TRIM10: variants seen among roughly 807,000 people sequenced by gnomAD.
The protein encoded by TRIM10 is tripartite motif containing 10.
TRIM10 carries 42 observed loss-of-function variants against 40.0 expected under a neutral mutation model. The ratio of observed to expected loss-of-function variants is 1.05; its 90% confidence interval spans 0.82 to 1.36. The LOEUF (loss-of-function observed/expected upper bound fraction) is 1.36. Ranked by LOEUF, TRIM10 falls within the 40% of genes most tolerant of loss-of-function variation. The pLI is 0.00. For missense variants in TRIM10, 601 were observed against 608.3 expected, an observed-to-expected ratio of 0.99 and a Z score of 0.13; for synonymous variants, 260 against 239.5, an observed-to-expected ratio of 1.09 and a Z score of -0.79.
intron 2 of TRIM10, 45 bp from the exon 3 acceptor site, chr6:30,158,674 T>G: frequency 6.7e-7 from 1 of 1,499,988 alleles, no homozygotes; most frequent in Admixed American, 1.7e-5. Flanking sequence ...TGCTTCCTCC[T>G]TCTCCCTCTG....
rs1022878394 is a variant in TRIM10, at chr6:30,160,618, TCTC to T, written c.238_240del (p.Glu80del). The T allele has an allele frequency of 1.2e-6, 2 of 1,613,980 alleles. No homozygotes were observed. The highest frequency in any genetic ancestry group is 2.7e-5 in the African/African-American group (2 of 74,880). On this transcript the variant is annotated inframe_deletion, in exon 1 of 7. Transcript: ENST00000449742. ...GACACCAGCTGGAGGCGCTCAATGT[TCTC>T]CACCACGTTAGCCAGCTGCCAGTTG... is the stretch of plus-strand genomic sequence containing the variant.
chr6:30,158,329 C>T, intron 3 of TRIM10, 70 bp downstream of exon 3: 1 of 1,355,242 alleles, frequency 7.4e-7, no homozygotes, highest in Non-Finnish European at 1.1e-6. Flanking sequence ...GGAGACATGG[C>T]TTAGGCAAGA....
At chr6:30,156,718 GT>G (rs1174414611) in intron 5 of TRIM10, 12 of 652,032 alleles carry the variant, frequency 1.8e-5, no homozygotes, top group Non-Finnish European at 2.8e-5. Context: ...TTTAAAATCA[GT>G]TTAACTTTTT....
At position 30,160,608 on chromosome 6, in the gene TRIM10, C is replaced by T. The variant is rs370559232; in HGVS notation, c.251G>A (p.Arg84His). 27 of 1,614,114 alleles carry T rather than the reference C, an allele frequency of 1.7e-5. No homozygotes were observed. Among genetic ancestry groups the T allele is most frequent in the African/African-American group, 1.3e-4 (10 of 74,940 alleles). Residue 84 changes from arginine (R) to histidine (H), a missense_variant, in exon 1 of 7, where the codon CGC (arginine) becomes CAC (histidine). Physicochemically the swap from Arg to His is conservative, Grantham distance 29. Transcript: ENST00000449742. ...ACCCAGTGTGGACACCAGCTGGAGG[C>T]GCTCAATGTTCTCCACCACGTTAGC... ...QLANVVENIE[R>H]LQLVSTLGLG...
upstream of TRIM10, among the ~76,000 whole-genome samples, chr6:30,162,942 A>G (rs1309749226): frequency 3.6e-5 from 4 of 111,156 alleles, no homozygotes; most frequent in African/African-American, 2.1e-4. Flanking sequence ...AAATAAATAA[A>G]TAAATAAATA....
Position 30,160,884 on chromosome 6 carries a change from C to G in TRIM10, c.-26G>C. ...GCTGGTCCTGCTGCTATGGCTTCCT[C>G]AAGGCCACTCTCTCTGCTTGGCCAC... On this transcript the variant is annotated 5_prime_UTR_variant, in exon 1 of 7. Coordinates refer to ENST00000449742, the MANE Select transcript of TRIM10 (RefSeq NM_006778.4). The G allele has an allele frequency of 6.4e-7, 1 of 1,571,944 alleles. No individual in the cohort carries two copies. The highest frequency in any genetic ancestry group is 8.6e-7 in the Non-Finnish European group (1 of 1,162,262).
chr6:30,158,864 C>T (rs1161736260), intron 2 of TRIM10, among the ~76,000 whole-genome samples: 1 of 150,598 alleles, frequency 6.6e-6, no homozygotes, highest in Non-Finnish European at 1.5e-5. Context: ...ACCCTACCTC[C>T]TGTCTTGTAT....
rs375482282 is a variant in TRIM10, at chr6:30,160,501, C to T, written c.358G>A (p.Val120Met). ...CEDDEMQLCV[V>M]CREAGEHATH... The stretch of plus-strand genomic sequence containing the variant: ...GCGTGCTCCCCAGCCTCCCGGCACA[C>T]CACGCACAACTGCATCTCATCATCC... The change falls in exon 1 of 7, where the codon GTG (valine) becomes ATG (methionine). Residue 120 changes from valine to methionine, a missense_variant. Transcript: ENST00000449742. The T allele has an allele frequency of 1.4e-5, 23 of 1,614,106 alleles. No homozygotes were observed. The highest frequency in any genetic ancestry group is 1.9e-5 in the Non-Finnish European group (22 of 1,180,048).
intron 1 of TRIM10, among the ~76,000 whole-genome samples, chr6:30,160,027 C>G (rs1772922387): frequency 1.3e-5 from 2 of 152,222 alleles, no homozygotes. Flanking sequence ...CTTACACACT[C>G]AAATATATAC....
At position 30,154,240 on chromosome 6, in the gene TRIM10, C is replaced by T. The variant is rs1350348790; in HGVS notation, c.1175G>A (p.Gly392Glu). Residue 392 changes from glycine to glutamate, a missense_variant, in exon 7 of 7, where the codon GGG becomes GAG. Coordinates refer to ENST00000449742, the MANE Select transcript of TRIM10 (RefSeq NM_006778.4). ...GVVSEDVQRK[G>E]ELRLRPEEGV... ...CTCCTCTGGCCGCAGCCGAAGCTCCCCCTTCCGCTGCACATCCTCGCTCAC... is the reference window on the plus strand; with the variant it reads ...CTCCTCTGGCCGCAGCCGAAGCTCCTCCTTCCGCTGCACATCCTCGCTCAC... 2 of 1,613,056 alleles carry T rather than the reference C, an allele frequency of 1.2e-6. No individual in the cohort carries two copies. Among genetic ancestry groups the T allele is most frequent in the Non-Finnish European group, 1.7e-6 (2 of 1,180,014 alleles).
chr6:30,159,796 T>C (rs1772905064), intron 1 of TRIM10, among the ~76,000 whole-genome samples: 1 of 152,190 alleles, frequency 6.6e-6, no homozygotes, highest in African/African-American at 2.4e-5. Context: ...AATATGTGTG[T>C]TCAAAGATAT....
At chr6:30,163,385 CA>C (rs746495246), upstream of TRIM10, 193 of 507,080 alleles carry the variant, frequency 3.8e-4, 16 homozygotes, top group East Asian at 1.4e-3. Context: ...CAGAAGGAGC[CA>C]GGAGTAAAGA....
At chr6:30,155,609 T>C (rs1772459177) in intron 6 of TRIM10, 118 bp downstream of exon 6, 1 of 798,344 alleles carries the variant, frequency 1.3e-6, no homozygotes. Context: ...TATGTATCCA[T>C]GGGTGTTTGT....
rs1053863570 is a variant in TRIM10 at position 30,152,684 on chromosome 6, G to A, written c.*1285C>T. ...GACAGAGCATTGTAGTTTACACTGA[G>A]CAGAGTAAACAGATGATGTTAAGGA... On this transcript the variant is annotated 3_prime_UTR_variant, in exon 7 of 7. Coordinates refer to ENST00000449742, the MANE Select transcript of TRIM10 (RefSeq NM_006778.4). 3.3e-5 allele frequency: 5 copies of A among 152,166 alleles called. No individual in the cohort carries two copies. Among genetic ancestry groups the A allele is most frequent in the African/African-American group, 1.2e-4 (5 of 41,444 alleles). 9.4% of individuals were successfully genotyped at this position (152,166 alleles called of 1,614,324 possible).
At chr6:30,159,779 C>T (rs906683662) in intron 1 of TRIM10, among the ~76,000 whole-genome samples, 2 of 151,860 alleles carry the variant, frequency 1.3e-5, no homozygotes, top group African/African-American at 4.8e-5. Context: ...CAGGTACACA[C>T]ACGATAAATA....
chr6:30,162,972 AAAT>A (rs1773249853), upstream of TRIM10, among the ~76,000 whole-genome samples: 1 of 131,276 alleles, frequency 7.6e-6, no homozygotes, highest in African/African-American at 2.9e-5. Context: ...ATAAATAAAT[AAAT>A]AAAATAGTCC....
At chr6:30,163,773 C>A (rs1314801180), upstream of TRIM10, 3 of 1,612,894 alleles carry the variant, frequency 1.9e-6, no homozygotes, top group Non-Finnish European at 2.5e-6. Flanking sequence ...GTGACCATTC[C>A]CTGTGGACAC....
In TRIM10 at chr6:30,153,203, G is replaced by A. The variant is rs1772174866; in HGVS notation, c.*766C>T. On this transcript the variant is annotated 3_prime_UTR_variant, in exon 7 of 7. Coordinates refer to ENST00000449742, the MANE Select transcript of TRIM10 (RefSeq NM_006778.4). ...GACAACCCAGTGCTCCAGAGTCACA[G>A]GTCATCCAGCCAGTTCTCTGCTGTT... is the stretch of plus-strand genomic sequence containing the variant. 6.3e-6 allele frequency: 1 copy of A among 158,016 alleles called. No homozygotes were observed. Among genetic ancestry groups the A allele is most frequent in the Non-Finnish European group, 1.4e-5 (1 of 71,320 alleles). The allele number at this position is 158,016 out of a possible 1,614,324, so 9.8% of individuals were successfully genotyped here.
chr6:30,163,046 G>A (rs1274623134), upstream of TRIM10, among the ~76,000 whole-genome samples: 1 of 152,130 alleles, frequency 6.6e-6, no homozygotes, highest in African/African-American at 2.4e-5. Flanking sequence ...TGGGACCGTA[G>A]GAGGGGCCAC....
Sources: gnomAD v4.1 joint callset for allele counts (sites outside exome capture counted in the v4.1 genomes callset) on GRCh38, gnomAD v4.1.1 for gene constraint, MANE v1.5 for transcripts, NCBI Gene and HGNC (gene_info 2026-07-23, HGNC 2026-07-21) for gene names.